FBXL13: variants seen among roughly 807,000 people sequenced by gnomAD.
The protein encoded by FBXL13 is F-box and leucine-rich repeat protein 13.
Under a neutral mutation model 83.6 loss-of-function variants are expected in FBXL13, and 67 were observed. The ratio of observed to expected loss-of-function variants is 0.80; its 90% confidence interval spans 0.66 to 0.98. The LOEUF is 0.98. Among genes scored for constraint, FBXL13 ranks in the 50% least tolerant of loss-of-function variants. FBXL13 has a pLI of 0.00. For missense variants in FBXL13, 822 were observed against 866.5 expected, an observed-to-expected ratio of 0.95 and a Z score of 0.64; for synonymous variants, 272 against 299.5, an observed-to-expected ratio of 0.91 and a Z score of 0.95.
intron 6 of FBXL13, among the ~76,000 whole-genome samples, chr7:102,991,400 G>A (rs900939842): frequency 3.3e-5 from 5 of 152,186 alleles, no homozygotes; most frequent in African/African-American, 1.2e-4. Flanking sequence ...ACTGTTTAAA[G>A]CAGTTTTTGA....
intron 8 of FBXL13, among the ~76,000 whole-genome samples, chr7:102,935,972 C>T (rs1157546694): frequency 1.3e-5 from 2 of 152,106 alleles, no homozygotes; most frequent in Admixed American, 6.5e-5. Flanking sequence ...CATCCTGAAC[C>T]AGAAGTAAAT....
intron 8 of FBXL13, among the ~76,000 whole-genome samples, chr7:102,954,241 C>T (rs1161466083): frequency 1.1e-4 from 16 of 152,186 alleles, no homozygotes; most frequent in Admixed American, 9.2e-4. Flanking sequence ...TGCACTTTAA[C>T]ATTCTTAAAG....
chr7:102,834,878 A>ATGTG (rs57047697), intron 17 of FBXL13, among the ~76,000 whole-genome samples: 5,757 of 147,086 alleles, frequency 0.039, 112 homozygotes, highest in Non-Finnish European at 0.04. Flanking sequence ...CCATTCCACA[A>ATGTG]TGTGTGTGTG....
intron 17 of FBXL13, among the ~76,000 whole-genome samples, chr7:102,844,208 G>GAGTCATTTATTA (rs1207319722): frequency 2.0e-5 from 3 of 152,160 alleles, no homozygotes; most frequent in Non-Finnish European, 4.4e-5. Flanking sequence ...ATTAACTTCA[G>GAGTCATTTATTA]AGTCATTTAT....
At chr7:102,934,029 G>A (rs141714405) in intron 8 of FBXL13, 25 of 1,614,070 alleles carry the variant, frequency 1.5e-5, no homozygotes, top group African/African-American at 1.5e-4. Context: ...GGTGGAGGCC[G>A]GAGAGGCTCC....
At chr7:103,036,148 T>G (rs1001019056) in intron 2 of FBXL13, among the ~76,000 whole-genome samples, 5 of 152,184 alleles carry the variant, frequency 3.3e-5, no homozygotes, top group African/African-American at 1.2e-4. Context: ...CCTGATGATC[T>G]GAGGTACAAC....
At chr7:103,004,185 T>C (rs893497262) in intron 6 of FBXL13, among the ~76,000 whole-genome samples, 5 of 152,230 alleles carry the variant, frequency 3.3e-5, no homozygotes, top group African/African-American at 9.6e-5. Flanking sequence ...TTCTGCTTTT[T>C]CTAAGATATG....
chr7:102,934,830 C>A, intron 8 of FBXL13: 1 of 796,780 alleles, frequency 1.3e-6, no homozygotes, highest in Non-Finnish European at 1.9e-6. Context: ...TGGAATTTAC[C>A]ACAAGTTTTT....
At chr7:102,934,027 C>A in intron 8 of FBXL13, 2 of 1,614,060 alleles carry the variant, frequency 1.2e-6, no homozygotes, top group Non-Finnish European at 1.7e-6. Flanking sequence ...CGGGTGGAGG[C>A]CGGAGAGGCT....
chr7:102,948,050 T>G (rs1822807565), intron 8 of FBXL13, among the ~76,000 whole-genome samples: 1 of 152,034 alleles, frequency 6.6e-6, no homozygotes, highest in Non-Finnish European at 1.5e-5. Flanking sequence ...ATCAAAGGGA[T>G]TCAGTAATGA....
intron 8 of FBXL13, chr7:102,934,141 G>A (rs367824936): frequency 5.6e-6 from 9 of 1,614,154 alleles, no homozygotes; most frequent in Non-Finnish European, 1.7e-6. Context: ...TTTATGTGCT[G>A]CCTGGTTGGC....
intron 9 of FBXL13, among the ~76,000 whole-genome samples, chr7:102,929,418 T>C (rs939769522): frequency 2.0e-5 from 3 of 152,090 alleles, no homozygotes; most frequent in Non-Finnish European, 4.4e-5. Context: ...TCCCAGCACT[T>C]TGGGAGGCCG....
At chr7:103,056,207 T>C (rs1177974551) in intron 1 of FBXL13, among the ~76,000 whole-genome samples, 1 of 152,226 alleles carries the variant, frequency 6.6e-6, no homozygotes, top group African/African-American at 2.4e-5. Context: ...CTGAGTCATA[T>C]TGCATCATAT....
At chr7:102,835,269 G>A (rs1369593859) in intron 17 of FBXL13, among the ~76,000 whole-genome samples, 2 of 152,116 alleles carry the variant, frequency 1.3e-5, no homozygotes, top group African/African-American at 2.4e-5. Flanking sequence ...AATTAGAAGG[G>A]GCAGCTTGTC....
chr7:102,995,783 CTAAATAAATAAATAAA>C (rs59828511), intron 6 of FBXL13, among the ~76,000 whole-genome samples: 2 of 142,574 alleles, frequency 1.4e-5, no homozygotes, highest in African/African-American at 5.2e-5. Flanking sequence ...AAGACTCTGT[CTAAATAAATAAATAAA>C]TAAATAAATA....
At chr7:102,934,586 CA>C in intron 8 of FBXL13, 2 of 1,614,066 alleles carry the variant, frequency 1.2e-6, no homozygotes, top group Non-Finnish European at 1.7e-6. Context: ...CCCGAAACCC[CA>C]AGTGTCAGGG....
At chr7:102,906,667 T>C (rs555083721) in intron 11 of FBXL13, among the ~76,000 whole-genome samples, 2 of 152,360 alleles carry the variant, frequency 1.3e-5, no homozygotes, top group South Asian at 4.1e-4. Flanking sequence ...AAATGGCATG[T>C]CATTCTCTTC....
intron 18 of FBXL13, 91 bp downstream of exon 19, chr7:102,832,749 C>A: frequency 7.1e-7 from 1 of 1,402,292 alleles, no homozygotes; most frequent in Non-Finnish European, 9.4e-7. Context: ...GCAAAGAGAA[C>A]ATATTCTGAG....
intron 8 of FBXL13, among the ~76,000 whole-genome samples, chr7:102,963,331 A>C (rs1040005845): frequency 6.6e-6 from 1 of 151,956 alleles, no homozygotes; most frequent in African/African-American, 2.4e-5. Flanking sequence ...AAAAAAAAAA[A>C]AGAATAGACA....
Sources: gnomAD v4.1 joint callset for allele counts (sites outside exome capture counted in the v4.1 genomes callset) on GRCh38, gnomAD v4.1.1 for gene constraint, MANE v1.5 for transcripts, NCBI Gene and HGNC (gene_info 2026-07-23, HGNC 2026-07-21) for gene names.